CIC: variants seen among roughly 807,000 people sequenced by gnomAD.
CIC encodes capicua transcriptional repressor.
CIC carries 18 observed loss-of-function variants against 115.7 expected under a neutral mutation model. The ratio of observed to expected loss-of-function variants is 0.16; its 90% CI spans 0.11 to 0.23. The LOEUF (loss-of-function observed/expected upper bound fraction) is 0.23, where lower values mean the gene tolerates loss of function less well. Among genes scored for constraint, CIC ranks in the 10% least tolerant of loss-of-function variants. The pLI is 1.00. For synonymous variants in CIC, 1,076 were observed against 923.0 expected, an observed-to-expected ratio of 1.17 and a Z score of -3.01; for missense variants, 2,000 against 2,159.3, an observed-to-expected ratio of 0.93 and a Z score of 1.46.
Position 42,295,315 on chromosome 19 carries a change from A to G in CIC, c.*124A>G. ...GTCCTCTCCAGTTTGGGGCGGAATG[A>G]GGCCTGCTCCTCTTGTAAATACCCC... On this transcript the variant is annotated 3_prime_UTR_variant, in exon 21 of 21. Coordinates refer to ENST00000681038, the MANE Select transcript of CIC (RefSeq NM_001386298.1). The G allele has an allele frequency of 1.2e-6, 1 of 832,442 alleles. No individual in the cohort carries two copies. The highest frequency in any genetic ancestry group is 1.9e-6 in the Non-Finnish European group (1 of 536,278). 51.6% of individuals were successfully genotyped at this position (832,442 alleles called of 1,614,324 possible).
Position 42,292,816 on chromosome 19 carries a change from C to A in CIC, c.6153C>A (p.Ala2051=), listed in dbSNP as rs753942385. The part of the protein sequence containing the change: ...TILPKGPPAP[A]TATPAPTSPF... ...TGCCCAAGGGCCCGCCAGCCCCTGC[C>A]ACTGCCACCCCAGCCCCGACTAGCC... Residue 2051 remains alanine, a synonymous_variant, in exon 15 of 21, where the codon GCC becomes GCA. Coordinates refer to ENST00000681038, the MANE Select transcript of CIC (RefSeq NM_001386298.1). 11 of 1,613,670 alleles carry A rather than the reference C, an allele frequency of 6.8e-6. No individual in the cohort carries two copies. Among genetic ancestry groups the A allele is most frequent in the Non-Finnish European group, 9.3e-6 (11 of 1,179,998 alleles).
chr19:42,275,734 G>A (rs1471070728), intron 2 of CIC, among the ~76,000 whole-genome samples: 2 of 152,058 alleles, frequency 1.3e-5, no homozygotes, highest in African/African-American at 2.4e-5. Flanking sequence ...GGCTGGTCTC[G>A]AATTCCTGGG....
chr19:42,289,059 T>C lies in CIC; in HGVS notation c.3830T>C (p.Val1277Ala), dbSNP rs773764871. The change falls in exon 8 of 21, where the codon GTA becomes GCA. Residue 1277 changes from valine (V) to alanine (A), a missense_variant. Coordinates refer to ENST00000681038, the MANE Select transcript of CIC (RefSeq NM_001386298.1). ...GTACACAGCCTGGACGGCGGAGAAG[T>C]AGACAGTCAGGCGCTACAGGAACTG... ...SGVHSLDGGE[V>A]DSQALQELTQ... The C allele has an allele frequency of 3.0e-5, 48 of 1,613,492 alleles. No individual in the cohort carries two copies. The highest frequency in any genetic ancestry group is 2.7e-4 in the Admixed American group (16 of 60,000).
At chr19:42,282,198 G>A (rs957330617) in intron 2 of CIC, among the ~76,000 whole-genome samples, 2 of 152,246 alleles carry the variant, frequency 1.3e-5, no homozygotes, top group Non-Finnish European at 2.9e-5. Flanking sequence ...TCACAGCCAA[G>A]TGTCTGGCCC....
Position 42,272,807 on chromosome 19 carries a change from C to A in CIC, c.1024C>A (p.Pro342Thr). ...ARSSLRLLRP[P>T]WEPETMLRKP... ...CTCCAGCCTACGCCTGCTGCGCCCC[C>A]CCTGGGAACCTGAGACCATGCTGAG... The change falls in exon 2 of 21, where the codon CCC becomes ACC. Residue 342 changes from proline (P) to threonine (T), a missense_variant. Coordinates refer to ENST00000681038, the MANE Select transcript of CIC (RefSeq NM_001386298.1). 2.5e-6 allele frequency: 1 copy of A among 398,958 alleles called. No homozygotes were observed. 24.7% of individuals were successfully genotyped at this position (398,958 alleles called of 1,614,324 possible). A position where few individuals can be genotyped will look rare whatever the true frequency, so the allele number is the denominator to read the frequency against.
At chr19:42,293,328 C>T (rs2038286607) in intron 16 of CIC, 47 bp downstream of exon 16, 3 of 1,516,448 alleles carry the variant, frequency 2.0e-6, no homozygotes, top group Admixed American at 2.0e-5. Flanking sequence ...TTGGCTGTGC[C>T]TCTCCATTGA....
At position 42,290,293 on chromosome 19, in the gene CIC, C is replaced by A. The variant is rs377212755; in HGVS notation, c.4252C>A (p.Pro1418Thr). Residue 1418 changes from proline to threonine, a missense_variant, in exon 11 of 21, where the codon CCA becomes ACA. Physicochemically the swap from Pro to Thr is conservative, Grantham distance 38. Coordinates refer to ENST00000681038, the MANE Select transcript of CIC (RefSeq NM_001386298.1). ...IRSSFTHCRPPLDPEPPGPPD... is the reference protein window; with the variant it reads ...IRSSFTHCRPTLDPEPPGPPD... ...TTCCTCCTTTACCCACTGCCGCCCCCCACTGGACCCTGAGCCCCCAGGGCC... is the reference window on the plus strand; with the variant it reads ...TTCCTCCTTTACCCACTGCCGCCCCACACTGGACCCTGAGCCCCCAGGGCC... 3 of 1,614,090 alleles carry A rather than the reference C, an allele frequency of 1.9e-6. No individual in the cohort carries two copies. The highest frequency in any genetic ancestry group is 4.5e-5 in the East Asian group (2 of 44,872).
intron 2 of CIC, 111 bp downstream of exon 2, chr19:42,274,688 C>T (rs2036902266): frequency 5.0e-6 from 2 of 397,826 alleles, no homozygotes; most frequent in African/African-American, 4.1e-5. Context: ...CAAGGGGAGG[C>T]CGGCCTCCTC....
At position 42,292,285 on chromosome 19, in the gene CIC, CCT is replaced by C; in HGVS notation, c.5736-11_5736-10del. On this transcript the variant is annotated splice_polypyrimidine_tract_variant and intron_variant, in intron 13 of 20. Coordinates refer to ENST00000681038, the MANE Select transcript of CIC (RefSeq NM_001386298.1). ...CGGCTTACCTCACTCCTCCCCATTT[CCT>C]CTCCTGCGGCAGAATCACCTATGTG... 1 of 1,613,446 alleles carries C rather than the reference CCT, an allele frequency of 6.2e-7. No homozygotes were observed. The highest frequency in any genetic ancestry group is 8.5e-7 in the Non-Finnish European group (1 of 1,180,026).
At chr19:42,278,125 T>G (rs1036887548) in intron 2 of CIC, among the ~76,000 whole-genome samples, 1 of 152,238 alleles carries the variant, frequency 6.6e-6, no homozygotes, top group Non-Finnish European at 1.5e-5. Flanking sequence ...GGGGACTTGC[T>G]GGGGCAGGCG....
At position 42,291,574 on chromosome 19, in the gene CIC, C is replaced by G; in HGVS notation, c.5442C>G (p.Pro1814=). ...AACTTCCAGCCCAGTCAGTTTCTCC[C>G]GTGCAGGCCCCGCCCCCGGGTGGCT... ...APPPKAQSVS[P]VQAPPPGGSA... is the part of the protein sequence containing the mutation. Residue 1814 remains proline, a synonymous_variant, in exon 12 of 21, where the codon CCC becomes CCG. Transcript: ENST00000681038. 1 of 1,613,050 alleles carries G rather than the reference C, an allele frequency of 6.2e-7. No individual in the cohort carries two copies. Among genetic ancestry groups the G allele is most frequent in the Non-Finnish European group, 8.5e-7 (1 of 1,179,998 alleles).
chr19:42,287,493 A>C lies in CIC; in HGVS notation c.3309+44A>C, dbSNP rs2147192555. 6.2e-7 allele frequency: 1 copy of C among 1,612,208 alleles called. No individual in the cohort carries two copies. The highest frequency in any genetic ancestry group is 8.5e-7 in the Non-Finnish European group (1 of 1,180,006). ...TCCTGTGCTCACCCCGTGGCCACCC[A>C]CACCTGTCTGCCAGGTCCTAACTGT... On this transcript the variant is annotated intron_variant, in intron 5 of 20. Transcript: ENST00000681038. The surrounding 1 kb of genome is among the most constrained non-coding windows in gnomAD (Gnocchi z 8.7).
rs111660203 is a variant in CIC at position 42,282,982 on chromosome 19, G to C, written c.2795-3789G>C. The stretch of plus-strand genomic sequence containing the variant: ...CTTATACTGCTAGACAGAGGGTCCA[G>C]AGTGGCCAATGAGTGTCAGGGTGGG... On this transcript the variant is annotated intron_variant, in intron 2 of 20. Transcript: ENST00000681038. 6.9e-3 allele frequency among the ~76,000 whole-genome samples: 1,048 copies of C among 152,264 alleles called. 11 individuals are homozygous for C. The highest frequency in any genetic ancestry group is 0.011 in the Non-Finnish European group (731 of 68,004).
Position 42,286,940 on chromosome 19 carries a change from G to T in CIC, c.2944+20G>T, listed in dbSNP as rs760872029. The T allele has an allele frequency of 1.1e-5, 18 of 1,608,924 alleles. No homozygotes were observed. The highest frequency in any genetic ancestry group is 1.7e-4 in the Middle Eastern group (1 of 6,044). Reference sequence around the variant, plus strand: ...GCAAAGGTGAGGGCTGGTGGGGACTGGGGGGAGGCAAGGGTGTGGGGTCCA... The same window carrying T: ...GCAAAGGTGAGGGCTGGTGGGGACTTGGGGGAGGCAAGGGTGTGGGGTCCA... On this transcript the variant is annotated intron_variant, in intron 3 of 20. Coordinates refer to ENST00000681038, the MANE Select transcript of CIC (RefSeq NM_001386298.1).
chr19:42,284,817 G>C (rs750193347), intron 2 of CIC: 2 of 1,473,976 alleles, frequency 1.4e-6, no homozygotes, highest in East Asian at 2.5e-5. Flanking sequence ...AAGGTGTCGG[G>C]GTGCTAAGTG....
chr19:42,289,823 C>G, intron 9 of CIC, 25 bp from the exon 10 acceptor site: 1 of 1,553,018 alleles, frequency 6.4e-7, no homozygotes, highest in South Asian at 1.2e-5. Flanking sequence ...GCCCCCTCCC[C>G]ATACTGTTCC....
At chr19:42,294,423 C>A in intron 19 of CIC, 119 bp downstream of exon 19, 1 of 1,562,248 alleles carries the variant, frequency 6.4e-7, no homozygotes, top group Non-Finnish European at 8.7e-7. Context: ...GGAAGCACAG[C>A]CTGTCAGTGG....
chr19:42,292,545 T>G, intron 14 of CIC, 21 bp from the exon 15 acceptor site: 2 of 1,592,712 alleles, frequency 1.3e-6, no homozygotes, highest in Non-Finnish European at 1.7e-6. Context: ...GGTCTCCTGC[T>G]TCTTCTTCTC....
intron 2 of CIC, among the ~76,000 whole-genome samples, chr19:42,283,787 G>C (rs2037383364): frequency 6.6e-6 from 1 of 152,074 alleles, no homozygotes; most frequent in Admixed American, 6.5e-5. Context: ...TGCCTTTACT[G>C]CAGTGCGCCC....
Sources: gnomAD v4.1 joint callset for allele counts (sites outside exome capture counted in the v4.1 genomes callset) on GRCh38, gnomAD v4.1.1 for gene constraint, Gnocchi (gnomAD v3.1) non-coding constraint, MANE v1.5 for transcripts, NCBI Gene and HGNC (gene_info 2026-07-23, HGNC 2026-07-21) for gene names.